The following PLXDC1 variants were observed in gnomAD, a reference collection of about 807,000 sequenced individuals.
The protein encoded by PLXDC1 is plexin domain-containing protein 1.
A neutral mutation model predicts 61.3 loss-of-function variants in PLXDC1; 39 were observed. The ratio of observed to expected loss-of-function variants is 0.64; its 90% CI spans 0.49 to 0.83. PLXDC1 has a LOEUF of 0.83. PLXDC1 is among the 40% of genes least tolerant of loss of function. The pLI is 0.00. For synonymous variants in PLXDC1, 212 were observed against 254.5 expected (o/e 0.83, Z 1.59); for missense variants, 596 against 666.5 (o/e 0.89, Z 1.17).
At position 39,119,635 on chromosome 17, in the gene PLXDC1, A is replaced by G. The variant is rs560150549; in HGVS notation, c.256-10244T>C. 1.6e-4 allele frequency among the ~76,000 whole-genome samples: 24 copies of G among 152,194 alleles called. No homozygotes were observed. The East Asian group carries it at 4.6e-3, about 29-fold the overall frequency. On this transcript the variant is annotated intron_variant, in intron 2 of 13. Coordinates refer to ENST00000315392, the MANE Select transcript of PLXDC1 (RefSeq NM_020405.5). ...ATGGCGTGCTCCCATAGTCCGAGCT[A>G]TTCAGAGTCTGAGGCAGGAGAATCG...
intron 2 of PLXDC1, among the ~76,000 whole-genome samples, chr17:39,130,690 G>A (rs1420377334): frequency 2.6e-5 from 4 of 151,938 alleles, no homozygotes; most frequent in Non-Finnish European, 5.9e-5. Flanking sequence ...AGCCTCCCAA[G>A]CAGCTGGGAT....
intron 2 of PLXDC1, among the ~76,000 whole-genome samples, chr17:39,128,077 C>A: frequency 1.9e-5 from 2 of 103,500 alleles, no homozygotes; most frequent in South Asian, 6.9e-4. Context: ...GTCTCTCTCT[C>A]TCTCTCTCTC....
At chr17:39,152,416 C>T, upstream of PLXDC1, 4 of 845,266 alleles carry the variant, frequency 4.7e-6, no homozygotes, top group Non-Finnish European at 6.3e-6. Flanking sequence ...TTCTGACAGG[C>T]TCTGGGGATA....
chr17:39,112,808 T>C (rs1331994113), intron 2 of PLXDC1, among the ~76,000 whole-genome samples: 2 of 152,164 alleles, frequency 1.3e-5, no homozygotes, highest in Admixed American at 1.3e-4. Context: ...GAAATAAACC[T>C]GCCTCCCTAA....
chr17:39,070,168 G>T, intron 12 of PLXDC1, 152 bp from the exon 13 acceptor site: 1 of 561,078 alleles, frequency 1.8e-6, no homozygotes, highest in Non-Finnish European at 3.1e-6. Context: ...GGTGGGAGTT[G>T]GAATCATTAT....
chr17:39,112,441 A>C (rs1317792288), intron 2 of PLXDC1, among the ~76,000 whole-genome samples: 2 of 146,642 alleles, frequency 1.4e-5, no homozygotes, highest in Non-Finnish European at 3.0e-5. Context: ...TATTCAGCCC[A>C]TCTTTTTTTT....
intron 7 of PLXDC1, among the ~76,000 whole-genome samples, chr17:39,091,958 CAAA>C (rs71141756): frequency 0.21 from 22,255 of 104,476 alleles, 1,850 homozygotes; most frequent in Non-Finnish European, 0.29. Flanking sequence ...GACTCTATCT[CAAA>C]AAAAAAAAAA....
chr17:39,073,994 C>T (rs997752843), intron 11 of PLXDC1, among the ~76,000 whole-genome samples: 2 of 152,150 alleles, frequency 1.3e-5, no homozygotes, highest in African/African-American at 4.8e-5. Context: ...TCTACTTCTG[C>T]CTGCCCAGGC....
At chr17:39,075,173 G>A (rs1225402378) in intron 11 of PLXDC1, among the ~76,000 whole-genome samples, 4 of 152,134 alleles carry the variant, frequency 2.6e-5, no homozygotes, top group Non-Finnish European at 5.9e-5. Flanking sequence ...TGCCCAGGCT[G>A]GTCTCGAACT....
At chr17:39,091,432 G>A (rs1909945942) in intron 7 of PLXDC1, among the ~76,000 whole-genome samples, 1 of 152,132 alleles carries the variant, frequency 6.6e-6, no homozygotes, top group Non-Finnish European at 1.5e-5. Context: ...CCCGACTCCT[G>A]CACTGGAGCC....
intron 7 of PLXDC1, among the ~76,000 whole-genome samples, chr17:39,093,841 C>T (rs769652716): frequency 6.6e-6 from 1 of 152,104 alleles, no homozygotes; most frequent in Non-Finnish European, 1.5e-5. Context: ...AAATATCAGG[C>T]AGTAACTGCC....
At chr17:39,093,111 A>G (rs116632502) in intron 7 of PLXDC1, among the ~76,000 whole-genome samples, 2,204 of 152,300 alleles carry the variant, frequency 0.014, 54 homozygotes, top group African/African-American at 0.05. Context: ...CTCTGTTGCC[A>G]GGCTGGAGTG....
chr17:39,116,540 C>T (rs16234), intron 2 of PLXDC1, among the ~76,000 whole-genome samples: 8 of 152,142 alleles, frequency 5.3e-5, no homozygotes, highest in Non-Finnish European at 1.2e-4. Context: ...TGTGGAGGAA[C>T]CAGCTGCCTC....
At chr17:39,120,933 A>G (rs896369693) in intron 2 of PLXDC1, among the ~76,000 whole-genome samples, 5 of 151,886 alleles carry the variant, frequency 3.3e-5, no homozygotes, top group African/African-American at 4.8e-5. Flanking sequence ...AATTTTGTAT[A>G]ATTTTGTATT....
chr17:39,067,860 T>C lies in PLXDC1; in HGVS notation c.1483A>G (p.Met495Val), dbSNP rs1487049675. ...EPSGHEKEGF[M>V]EAEQC The stretch of plus-strand genomic sequence containing the variant: ...TGTTCTCAGCACTGCTCAGCCTCCA[T>C]GAAGCCCTCCTTCTCATGGCCCGAG... Residue 495 changes from methionine (M) to valine (V), a missense_variant, in exon 14 of 14, where the codon ATG becomes GTG. Transcript: ENST00000315392. The C allele has an allele frequency of 1.2e-6, 2 of 1,614,080 alleles. No homozygotes were observed. Among genetic ancestry groups the C allele is most frequent in the East Asian group, 2.2e-5 (1 of 44,884 alleles).
chr17:39,095,136 G>T (rs1042127314), intron 7 of PLXDC1, among the ~76,000 whole-genome samples: 2 of 152,024 alleles, frequency 1.3e-5, no homozygotes, highest in African/African-American at 4.8e-5. Flanking sequence ...GGCAGAGTTG[G>T]GGATGTGCCC....
intron 7 of PLXDC1, among the ~76,000 whole-genome samples, chr17:39,088,899 A>T (rs1052327757): frequency 1.5e-5 from 2 of 135,566 alleles, no homozygotes; most frequent in African/African-American, 5.5e-5. Flanking sequence ...CAGTCAGCTG[A>T]GATTGTGCCA....
Position 39,064,849 on chromosome 17 carries a change from A to G in PLXDC1, c.*2991T>C, listed in dbSNP as rs1908835163. The G allele has an allele frequency of 6.6e-6, 1 of 152,222 alleles. No individual in the cohort carries two copies. Among genetic ancestry groups the G allele is most frequent in the Non-Finnish European group, 1.5e-5 (1 of 68,066 alleles). 9.4% of individuals were successfully genotyped at this position (152,222 alleles called of 1,614,324 possible). ...AGAGTTGGGTTCCTTTCAAGCTTCT[A>G]AAGGACACAGTGGGCTGTAACAGAG... On this transcript the variant is annotated 3_prime_UTR_variant, in exon 14 of 14. Coordinates refer to ENST00000315392, the MANE Select transcript of PLXDC1 (RefSeq NM_020405.5).
At chr17:39,106,050 C>A in intron 6 of PLXDC1, 97 bp from the exon 7 acceptor site, 3 of 777,486 alleles carry the variant, frequency 3.9e-6, no homozygotes, top group Non-Finnish European at 6.4e-6. Flanking sequence ...CTGGATGGCA[C>A]CACCTCCTGG....
Sources: allele counts gnomAD v4.1 joint callset (sites outside exome capture counted in the v4.1 genomes callset), GRCh38; gene constraint gnomAD v4.1.1; transcripts MANE v1.5; gene names NCBI Gene and HGNC (gene_info 2026-07-23, HGNC 2026-07-21).